Variants in HTRA4 observed in about 807,000 individuals in gnomAD.
HTRA4 encodes the protein serine protease HTRA4.
A neutral mutation model predicts 49.1 loss-of-function variants in HTRA4; 46 were observed. That is an observed-to-expected ratio of 0.94 (90% CI 0.74 to 1.20). The LOEUF is 1.20. Among genes scored for constraint, HTRA4 ranks in the 50% most tolerant of loss-of-function variants. The pLI, the probability that HTRA4 is intolerant of heterozygous loss-of-function variation, is 0.00. For missense variants in HTRA4, 602 were observed against 636.9 expected, an observed-to-expected ratio of 0.95 and a Z score of 0.59; for synonymous variants, 261 against 264.0, an observed-to-expected ratio of 0.99 and a Z score of 0.11.
At chr8:38,982,085 T>G (rs970384031) in intron 6 of HTRA4, among the ~76,000 whole-genome samples, 2 of 152,214 alleles carry the variant, frequency 1.3e-5, no homozygotes, top group Non-Finnish European at 2.9e-5. Flanking sequence ...TGACCTCCAG[T>G]GATCCGCTTG....
rs534050343 is a variant in HTRA4, at chr8:38,974,428, C to T, written c.165C>T (p.Cys55=). The change falls in exon 1 of 9, where the codon TGC becomes TGT. Residue 55 remains cysteine, a synonymous_variant. Coordinates refer to ENST00000302495, the MANE Select transcript of HTRA4 (RefSeq NM_153692.4). ...QPTRCPALPT[C]ALGTTPVFDL... is the part of the protein sequence containing the mutation. ...CGCGCTGCCCCGCGCTGCCCACCTGCGCGCTGGGGACCACGCCGGTGTTCG... is the reference window on the plus strand; with the variant it reads ...CGCGCTGCCCCGCGCTGCCCACCTGTGCGCTGGGGACCACGCCGGTGTTCG... The T allele has an allele frequency of 1.0e-5, 16 of 1,549,108 alleles. No homozygotes were observed. The South Asian group carries it at 1.7e-4, about 16-fold the overall frequency.
At chr8:38,986,324 C>T (rs1270114324) in intron 8 of HTRA4, among the ~76,000 whole-genome samples, 1 of 151,920 alleles carries the variant, frequency 6.6e-6, no homozygotes. Context: ...CTCTTGTTGC[C>T]CCAGCTGGAA....
At chr8:38,976,830 C>A in intron 3 of HTRA4, 91 bp downstream of exon 3, 1 of 1,188,986 alleles carries the variant, frequency 8.4e-7, no homozygotes, top group Non-Finnish European at 1.2e-6. Flanking sequence ...TCTCACACCA[C>A]ATCTTTTCTG....
At chr8:38,979,356 G>A in intron 5 of HTRA4, 109 bp downstream of exon 5, 1 of 999,378 alleles carries the variant, frequency 1.0e-6, no homozygotes, top group Non-Finnish European at 1.6e-6. Flanking sequence ...GCACATTTGG[G>A]ATGACTGCTT....
At chr8:38,981,118 C>A (rs551263046) in intron 5 of HTRA4, among the ~76,000 whole-genome samples, 56 of 119,344 alleles carry the variant, frequency 4.7e-4, no homozygotes, top group African/African-American at 1.8e-3. Context: ...CTCGCTAGGT[C>A]GCCCAGGCCG....
At chr8:38,984,689 C>A (rs1312544369) in intron 8 of HTRA4, among the ~76,000 whole-genome samples, 1 of 152,056 alleles carries the variant, frequency 6.6e-6, no homozygotes, top group Non-Finnish European at 1.5e-5. Context: ...GCAGAGGTTG[C>A]AGTGAGCTGG....
chr8:38,979,951 C>A (rs1286807674), intron 5 of HTRA4, among the ~76,000 whole-genome samples: 2 of 152,190 alleles, frequency 1.3e-5, no homozygotes, highest in Admixed American at 1.3e-4. Context: ...ATAATGTCAT[C>A]TGTCCAGGTT....
At chr8:38,979,122 C>G (rs1264797020) in intron 4 of HTRA4, 93 bp from the exon 5 acceptor site, 13 of 1,214,230 alleles carry the variant, frequency 1.1e-5, no homozygotes, top group Middle Eastern at 1.9e-4. Flanking sequence ...TGGTGGGCTG[C>G]TTTTGGTAAA....
intron 6 of HTRA4, 96 bp downstream of exon 6, chr8:38,981,863 T>C: frequency 1.1e-6 from 1 of 878,786 alleles, no homozygotes; most frequent in Non-Finnish European, 1.8e-6. Context: ...TTGTTTTTGT[T>C]TTTGAGACAG....
chr8:38,974,429 G>T lies in HTRA4; in HGVS notation c.166G>T (p.Ala56Ser). 1 of 1,549,044 alleles carries T rather than the reference G, an allele frequency of 6.5e-7. No individual in the cohort carries two copies. Residue 56 changes from alanine (A) to serine (S), a missense_variant, in exon 1 of 9, where the codon GCG (alanine) becomes TCG (serine). By Grantham distance (99) the Ala-to-Ser change is moderately conservative. Coordinates refer to ENST00000302495, the MANE Select transcript of HTRA4 (RefSeq NM_153692.4). The part of the protein sequence containing the change: ...PTRCPALPTC[A>S]LGTTPVFDLC... ...GCGCTGCCCCGCGCTGCCCACCTGC[G>T]CGCTGGGGACCACGCCGGTGTTCGA...
rs957357208 is a variant in HTRA4 at position 38,974,650 on chromosome 8, C to G, written c.387C>G (p.Leu129=). The change falls in exon 1 of 9, where the codon CTC becomes CTG. Residue 129 remains leucine, a synonymous_variant. Transcript: ENST00000302495. The part of the protein sequence containing the change: ...DRRTYPSMCA[L]RAENRAARRL... ...GCACCTACCCCAGCATGTGCGCGCT[C>G]CGGGCCGAAAACCGCGCCGCGCGCC... The G allele has an allele frequency of 1.1e-5, 16 of 1,405,928 alleles. No individual in the cohort carries two copies. Among genetic ancestry groups the G allele is most frequent in the Admixed American group, 6.7e-5 (2 of 29,812 alleles). 87.1% of individuals were successfully genotyped at this position (1,405,928 alleles called of 1,614,324 possible).
chr8:38,974,322 T>G lies in HTRA4; in HGVS notation c.59T>G (p.Leu20Arg). Reference protein sequence around the residue: ...GLGRCLLPGLLLLLVPVLWAG... With the variant: ...GLGRCLLPGLRLLLVPVLWAG... ...GGACGATGCCTCCTGCCGGGGCTGC[T>G]GCTGCTCCTGGTGCCCGTCCTCTGG... Residue 20 changes from leucine to arginine, a missense_variant, in exon 1 of 9, where the codon CTG (leucine) becomes CGG (arginine). Physicochemically the swap from Leu to Arg is moderately radical, Grantham distance 102 (BLOSUM62 -2). Transcript: ENST00000302495. 6.2e-7 allele frequency: 1 copy of G among 1,612,924 alleles called. No individual in the cohort carries two copies. The highest frequency in any genetic ancestry group is 1.1e-5 in the South Asian group (1 of 90,922).
intron 8 of HTRA4, among the ~76,000 whole-genome samples, chr8:38,985,460 G>A (rs1354552475): frequency 6.6e-6 from 1 of 152,130 alleles, no homozygotes; most frequent in African/African-American, 2.4e-5. Flanking sequence ...CCCGCGGTCT[G>A]TACTTCTTTA....
At chr8:38,981,494 T>C (rs1223280488) in intron 5 of HTRA4, among the ~76,000 whole-genome samples, 159 bp from the exon 6 acceptor site, 1 of 152,094 alleles carries the variant, frequency 6.6e-6, no homozygotes, top group African/African-American at 2.4e-5. Flanking sequence ...ATTTGCCCTA[T>C]AAAGGAACAT....
At chr8:38,979,903 A>G (rs1051494188) in intron 5 of HTRA4, among the ~76,000 whole-genome samples, 9 of 152,312 alleles carry the variant, frequency 5.9e-5, no homozygotes, top group African/African-American at 1.7e-4. Context: ...TTGATGCTGC[A>G]TATGAAGAAC....
chr8:38,979,633 T>A (rs1315238146), intron 5 of HTRA4, among the ~76,000 whole-genome samples: 1 of 152,214 alleles, frequency 6.6e-6, no homozygotes, highest in Non-Finnish European at 1.5e-5. Flanking sequence ...CTCTTCCCCG[T>A]GCTTTCTGTT....
chr8:38,975,250 A>T (rs1311797802), intron 2 of HTRA4, 120 bp downstream of exon 2: 2 of 976,796 alleles, frequency 2.0e-6, no homozygotes, highest in Non-Finnish European at 3.2e-6. Flanking sequence ...ACTGAGACGT[A>T]AAGAGGTTGA....
intron 8 of HTRA4, among the ~76,000 whole-genome samples, chr8:38,986,109 C>T (rs1240804190): frequency 1.3e-5 from 2 of 152,122 alleles, no homozygotes; most frequent in African/African-American, 4.8e-5. Context: ...TGCAGTGAGC[C>T]ATGACTGCAC....
intron 5 of HTRA4, among the ~76,000 whole-genome samples, chr8:38,980,977 C>T (rs1431411981): frequency 2.0e-5 from 3 of 151,002 alleles, no homozygotes; most frequent in African/African-American, 7.3e-5. Context: ...GGCAAATGCT[C>T]CTTGTCCTTC....
Sources: gnomAD v4.1 joint callset for allele counts (sites outside exome capture counted in the v4.1 genomes callset) on GRCh38, gnomAD v4.1.1 for gene constraint, MANE v1.5 for transcripts, NCBI Gene and HGNC (gene_info 2026-07-23, HGNC 2026-07-21) for gene names.